The following RABGAP1L variants were observed in gnomAD, a reference collection of about 807,000 sequenced individuals.
RABGAP1L encodes RAB GTPase activating protein 1 like, also known as rab GTPase-activating protein 1-like.
RABGAP1L carries 63 observed loss-of-function variants against 137.7 expected under a neutral mutation model. The ratio of observed to expected loss-of-function variants is 0.46; its 90% CI spans 0.37 to 0.56. The LOEUF (loss-of-function observed/expected upper bound fraction) is 0.56, where lower values mean the gene tolerates loss of function less well. RABGAP1L is among the 20% of genes least tolerant of loss of function. The pLI is 0.00. For missense variants in RABGAP1L, 1,095 were observed against 1,244.0 expected (o/e 0.88, Z 1.80); for synonymous variants, 431 against 433.7 (o/e 0.99, Z 0.08).
chr1:174,615,337 C>A (rs938435725), intron 13 of RABGAP1L, among the ~76,000 whole-genome samples: 1 of 152,184 alleles, frequency 6.6e-6, no homozygotes, highest in Non-Finnish European at 1.5e-5. Flanking sequence ...TGCTGGATGT[C>A]CACTCCAGAC....
At chr1:174,279,995 G>A (rs1675353162) in intron 10 of RABGAP1L, among the ~76,000 whole-genome samples, 1 of 150,694 alleles carries the variant, frequency 6.6e-6, no homozygotes, top group African/African-American at 2.5e-5. Flanking sequence ...CTAGAGATCT[G>A]AGAAAATGTT....
intron 19 of RABGAP1L, among the ~76,000 whole-genome samples, chr1:174,925,785 TA>T (rs1662685079): frequency 6.7e-6 from 1 of 149,738 alleles, no homozygotes; most frequent in African/African-American, 2.5e-5. Context: ...TTTGTGCAAT[TA>T]AAAAAATATA....
intron 13 of RABGAP1L, among the ~76,000 whole-genome samples, chr1:174,458,722 A>G (rs752632098): frequency 2.0e-4 from 30 of 152,144 alleles, no homozygotes; most frequent in Non-Finnish European, 4.1e-4. Context: ...AACTACTAAT[A>G]TAACATAATC....
At chr1:174,656,610 C>A (rs1675990966) in intron 14 of RABGAP1L, among the ~76,000 whole-genome samples, 1 of 152,184 alleles carries the variant, frequency 6.6e-6, no homozygotes, top group South Asian at 2.1e-4. Context: ...CTTTATTACC[C>A]CTGCCCTCAG....
At chr1:174,647,374 T>C (rs1247772725) in intron 14 of RABGAP1L, among the ~76,000 whole-genome samples, 1 of 152,176 alleles carries the variant, frequency 6.6e-6, no homozygotes, top group African/African-American at 2.4e-5. Context: ...TATTTTGAGA[T>C]ATGCTCCACC....
intron 12 of RABGAP1L, among the ~76,000 whole-genome samples, chr1:174,371,653 C>G (rs1212427833): frequency 1.3e-5 from 2 of 152,084 alleles, no homozygotes; most frequent in East Asian, 3.9e-4. Flanking sequence ...GTAATTATGA[C>G]TATCATATGT....
intron 17 of RABGAP1L, among the ~76,000 whole-genome samples, chr1:174,728,758 C>T (rs1043111655): frequency 7.9e-5 from 12 of 152,096 alleles, no homozygotes; most frequent in Non-Finnish European, 1.8e-4. Flanking sequence ...TCTCCTGACT[C>T]AGCTTCCTGA....
At chr1:174,688,231 A>G (rs553782129) in intron 15 of RABGAP1L, among the ~76,000 whole-genome samples, 1 of 152,220 alleles carries the variant, frequency 6.6e-6, no homozygotes, top group African/African-American at 2.4e-5. Context: ...CTTACTCTAA[A>G]AATTATATAA....
chr1:174,962,976 G>A (rs1435093083), intron 20 of RABGAP1L, among the ~76,000 whole-genome samples: 1 of 152,030 alleles, frequency 6.6e-6, no homozygotes, highest in African/African-American at 2.4e-5. Context: ...CACATAACCT[G>A]TAGTCCCAGC....
At chr1:174,253,881 G>A (rs1672906519) in intron 7 of RABGAP1L, among the ~76,000 whole-genome samples, 2 of 152,116 alleles carry the variant, frequency 1.3e-5, no homozygotes, top group Admixed American at 6.5e-5. Flanking sequence ...AGAAATAAAA[G>A]CCTCTTCATC....
chr1:174,333,494 G>A (rs1397458564), intron 11 of RABGAP1L, among the ~76,000 whole-genome samples: 1 of 152,150 alleles, frequency 6.6e-6, no homozygotes, highest in Non-Finnish European at 1.5e-5. Flanking sequence ...TTAATGCAGA[G>A]TGGCTGAGTG....
chr1:174,231,365 A>C lies in RABGAP1L; in HGVS notation c.542+10A>C. ...CAGAAGGTTCTGTGAGGTAAGCTCT[A>C]ATTTGTTTTTCTTTAGACACATATT... On this transcript the variant is annotated intron_variant, in intron 4 of 25. Coordinates refer to ENST00000681986, the MANE Select transcript of RABGAP1L (RefSeq NM_001366446.1). 7 of 1,610,602 alleles carry C rather than the reference A, an allele frequency of 4.3e-6. No individual in the cohort carries two copies. Among genetic ancestry groups the C allele is most frequent in the Non-Finnish European group, 5.9e-6 (7 of 1,176,942 alleles).
At chr1:174,614,272 G>C (rs982215272) in intron 13 of RABGAP1L, among the ~76,000 whole-genome samples, 2 of 152,156 alleles carry the variant, frequency 1.3e-5, no homozygotes, top group African/African-American at 4.8e-5. Flanking sequence ...AAATCTCTCA[G>C]CATTTGCTTG....
intron 19 of RABGAP1L, among the ~76,000 whole-genome samples, chr1:174,921,242 A>G (rs1346599322): frequency 6.6e-6 from 1 of 152,144 alleles, no homozygotes; most frequent in Non-Finnish European, 1.5e-5. Flanking sequence ...GTACTTTGTT[A>G]TGGCAGCCCT....
At chr1:174,287,615 C>T (rs1676180834) in intron 10 of RABGAP1L, among the ~76,000 whole-genome samples, 1 of 152,142 alleles carries the variant, frequency 6.6e-6, no homozygotes, top group Non-Finnish European at 1.5e-5. Context: ...ACCTCAGCCC[C>T]CCGAGTAGCT....
At chr1:174,398,012 AG>A (rs1648086779) in intron 13 of RABGAP1L, among the ~76,000 whole-genome samples, 1 of 152,208 alleles carries the variant, frequency 6.6e-6, no homozygotes. Flanking sequence ...AACCAGCCAA[AG>A]GAAGACATGT....
chr1:174,225,394 A>G (rs909311475), intron 3 of RABGAP1L, among the ~76,000 whole-genome samples: 19 of 150,912 alleles, frequency 1.3e-4, no homozygotes, highest in Admixed American at 1.1e-3. Flanking sequence ...TTGAGAATAG[A>G]TCACCCTTTT....
intron 15 of RABGAP1L, among the ~76,000 whole-genome samples, chr1:174,691,826 C>A (rs1678896140): frequency 6.6e-6 from 1 of 150,746 alleles, no homozygotes; most frequent in African/African-American, 2.4e-5. Context: ...CATTTTAGTG[C>A]TTTTTTTTTA....
chr1:174,727,806 T>C (rs941606017), intron 17 of RABGAP1L, among the ~76,000 whole-genome samples: 1 of 152,194 alleles, frequency 6.6e-6, no homozygotes, highest in Non-Finnish European at 1.5e-5. Context: ...GCACAATTAT[T>C]ATGTGTTACT....
Sources: gnomAD v4.1 joint callset for allele counts (sites outside exome capture counted in the v4.1 genomes callset) on GRCh38, gnomAD v4.1.1 for gene constraint, MANE v1.5 for transcripts, NCBI Gene and HGNC (gene_info 2026-07-23, HGNC 2026-07-21) for gene names.